The following L3MBTL1 variants were observed in gnomAD, a reference collection of about 807,000 sequenced individuals.
L3MBTL1 encodes lethal(3)malignant brain tumor-like protein 1.
Under a neutral mutation model 105.3 loss-of-function variants are expected in L3MBTL1, and 75 were observed. The ratio of observed to expected loss-of-function variants is 0.71; its 90% CI spans 0.59 to 0.86. L3MBTL1 has a LOEUF of 0.86. L3MBTL1 is among the 40% of genes least tolerant of loss of function. The pLI is 0.00. For synonymous variants in L3MBTL1, 452 were observed against 436.2 expected, an observed-to-expected ratio of 1.04 and a Z score of -0.45; for missense variants, 1,069 against 1,126.4, an observed-to-expected ratio of 0.95 and a Z score of 0.73.
At chr20:43,526,391 C>G (rs2019034964) in intron 7 of L3MBTL1, among the ~76,000 whole-genome samples, 1 of 146,094 alleles carries the variant, frequency 6.8e-6, no homozygotes, top group Admixed American at 6.7e-5. Context: ...GAAGTCTACT[C>G]TCTCTTCTCT....
In L3MBTL1 at chr20:43,536,168, C is replaced by T; in HGVS notation, c.1997C>T (p.Ser666Leu). The change falls in exon 18 of 22, where the codon TCA (serine) becomes TTA (leucine). Residue 666 changes from serine (S) to leucine (L), a missense_variant. Coordinates refer to ENST00000418998, the MANE Select transcript of L3MBTL1 (RefSeq NM_001377303.1). ...TGKFTAHHCLSGCPLAERNQS... is the reference protein window; with the variant it reads ...TGKFTAHHCLLGCPLAERNQS... ...AAGTTCACAGCTCACCATTGCCTCT[C>T]AGGCTGCCCACTGGCTGAGAGGAAC... The T allele has an allele frequency of 6.2e-7, 1 of 1,613,752 alleles. No individual in the cohort carries two copies. The highest frequency in any genetic ancestry group is 8.5e-7 in the Non-Finnish European group (1 of 1,180,008).
intron 7 of L3MBTL1, chr20:43,523,482 A>G (rs2018845408): frequency 8.0e-6 from 2 of 250,688 alleles, no homozygotes; most frequent in Non-Finnish European, 1.6e-5. Flanking sequence ...CTGCTTTTGC[A>G]TAGTCAGTGA....
At chr20:43,530,771 T>C in intron 10 of L3MBTL1, 27 bp from the exon 11 acceptor site, 1 of 1,608,370 alleles carries the variant, frequency 6.2e-7, no homozygotes, top group East Asian at 2.2e-5. Flanking sequence ...TGCACGGCGC[T>C]CTGTTCATGC....
chr20:43,523,489 G>C, intron 7 of L3MBTL1: 1 of 254,710 alleles, frequency 3.9e-6, no homozygotes, highest in Non-Finnish European at 8.0e-6. Flanking sequence ...TGCATAGTCA[G>C]TGATCCCTCC....
intron 1 of L3MBTL1, among the ~76,000 whole-genome samples, chr20:43,511,780 C>CAAA (rs35702977): frequency 9.4e-6 from 1 of 106,526 alleles, no homozygotes; most frequent in Non-Finnish European, 2.0e-5. Flanking sequence ...GACTCCATCT[C>CAAA]AAAAAAAAAA....
At position 43,535,853 on chromosome 20, in the gene L3MBTL1, C is replaced by T. The variant is rs749724365; in HGVS notation, c.1842C>T (p.Ser614=). Residue 614 remains serine, a synonymous_variant, in exon 17 of 22, where the codon AGC becomes AGT. Coordinates refer to ENST00000418998, the MANE Select transcript of L3MBTL1 (RefSeq NM_001377303.1). ...LQPPLGPREP[S]SASPGGCPPL... ...CTCTTTTAGGACCCAGAGAGCCCAGCTCTGCCTCCCCTGGGGGCTGTCCCC... is the reference window on the plus strand; with the variant it reads ...CTCTTTTAGGACCCAGAGAGCCCAGTTCTGCCTCCCCTGGGGGCTGTCCCC... 3.1e-6 allele frequency: 5 copies of T among 1,600,984 alleles called. No homozygotes were observed. The highest frequency in any genetic ancestry group is 1.8e-5 in the Admixed American group (1 of 56,804).
exon 19 of L3MBTL1, chr20:43,548,389 A>G: frequency 1.4e-6 from 1 of 729,086 alleles, no homozygotes; most frequent in Non-Finnish European, 1.9e-6. Context: ...TAGAGGGTGC[A>G]TGGGAGCTGA....
At chr20:43,548,079 CCACT>C (rs1187890115) in intron 18 of L3MBTL1, 1 of 1,302,066 alleles carries the variant, frequency 7.7e-7, no homozygotes, top group Admixed American at 2.3e-5. Flanking sequence ...TCCACCTTCT[CCACT>C]TTCCACCTCC....
Position 43,530,275 on chromosome 20 carries a change from T to A in L3MBTL1, c.1057-9T>A. 1 of 1,613,350 alleles carries A rather than the reference T, an allele frequency of 6.2e-7. No individual in the cohort carries two copies. The highest frequency in any genetic ancestry group is 8.5e-7 in the Non-Finnish European group (1 of 1,179,688). On this transcript the variant is annotated splice_polypyrimidine_tract_variant and intron_variant, in intron 9 of 21. Coordinates refer to ENST00000418998, the MANE Select transcript of L3MBTL1 (RefSeq NM_001377303.1). ...ACATTGGAGTTCCTGATTCCCCTCA[T>A]GGGGCCAGGTATGTGGCTATCGCCT...
intron 4 of L3MBTL1, 89 bp from the exon 5 acceptor site, chr20:43,514,920 A>T: frequency 6.6e-7 from 1 of 1,516,954 alleles, no homozygotes; most frequent in Non-Finnish European, 8.9e-7. Flanking sequence ...AGATGGACCG[A>T]GGCGGAGGCA....
At chr20:43,511,780 CAA>C (rs35702977) in intron 1 of L3MBTL1, among the ~76,000 whole-genome samples, 10,591 of 106,400 alleles carry the variant, frequency 0.1, 699 homozygotes, top group African/African-American at 0.23. Context: ...GACTCCATCT[CAA>C]AAAAAAAAAA....
intron 4 of L3MBTL1, 40 bp from the exon 5 acceptor site, chr20:43,514,969 C>G (rs1600894917): frequency 6.2e-7 from 1 of 1,601,378 alleles, no homozygotes; most frequent in Non-Finnish European, 8.5e-7. Context: ...AGTGTGGCTG[C>G]GATGGGGAGG....
At chr20:43,514,327 CCT>C (rs1156553026) in intron 3 of L3MBTL1, 3 of 1,074,982 alleles carry the variant, frequency 2.8e-6, no homozygotes, top group South Asian at 1.7e-5. Flanking sequence ...ACTGGGGCAC[CCT>C]GAGTGGGCCT....
rs142772001 is a variant in L3MBTL1, at chr20:43,533,624, G to A, written c.1513+206G>A. Among the ~76,000 whole-genome samples the A allele has an allele frequency of 9.1e-4, 139 of 152,314 alleles. 3 individuals are homozygous for A. In the East Asian group the frequency reaches 0.02, roughly 22 times the overall value. On this transcript the variant is annotated intron_variant, in intron 13 of 21. Transcript: ENST00000418998. ...CCTGTCAAACCCTGACTCCACTGGG[G>A]TTTAGGGGAAGAAAGTTACATGACC...
At chr20:43,542,728 T>A (rs1037052450), downstream of L3MBTL1, among the ~76,000 whole-genome samples, 2 of 152,172 alleles carry the variant, frequency 1.3e-5, no homozygotes, top group Non-Finnish European at 2.9e-5. Context: ...CTTTTCTAAT[T>A]TCTAGCGTCA....
chr20:43,524,155 AT>A (rs1475970357), intron 7 of L3MBTL1, among the ~76,000 whole-genome samples: 2 of 152,164 alleles, frequency 1.3e-5, no homozygotes, highest in Non-Finnish European at 2.9e-5. Context: ...TTTAAAAAAA[AT>A]TTATTTCCAT....
chr20:43,516,194 G>A lies in L3MBTL1; in HGVS notation c.862+17G>A. On this transcript the variant is annotated intron_variant, in intron 7 of 21. Transcript: ENST00000418998. ...GCCAGCCTGGTACGGTGGCTTGTGT[G>A]TATATATATTCGTGTGAGGTGTGTA... 2 of 1,600,756 alleles carry A rather than the reference G, an allele frequency of 1.2e-6. No homozygotes were observed. Among genetic ancestry groups the A allele is most frequent in the Non-Finnish European group, 1.7e-6 (2 of 1,168,228 alleles).
chr20:43,516,062 A>ATC, intron 6 of L3MBTL1, 31 bp from the exon 7 acceptor site: 2 of 1,550,016 alleles, frequency 1.3e-6, no homozygotes, highest in Non-Finnish European at 1.8e-6. Flanking sequence ...CCATGAGGAG[A>ATC]AGAAGCTGGG....
intron 9 of L3MBTL1, among the ~76,000 whole-genome samples, chr20:43,529,630 C>T (rs2019223644): frequency 6.6e-6 from 1 of 152,174 alleles, no homozygotes; most frequent in African/African-American, 2.4e-5. Flanking sequence ...TGGCATGAGT[C>T]AAACAAGGTC....
Sources: gnomAD v4.1 joint callset for allele counts (sites outside exome capture counted in the v4.1 genomes callset) on GRCh38, gnomAD v4.1.1 for gene constraint, MANE v1.5 for transcripts, NCBI Gene and HGNC (gene_info 2026-07-23, HGNC 2026-07-21) for gene names.